Variants in DNAH1 observed in about 807,000 individuals in gnomAD.
DNAH1 encodes axonemal beta dynein heavy chain 1.
In DNAH1, 327 loss-of-function variants were observed where a neutral mutation model predicts 484.3. That is an observed-to-expected ratio of 0.68 (90% CI 0.62 to 0.74). DNAH1 has a LOEUF of 0.74. Among genes scored for constraint, DNAH1 ranks in the 30% least tolerant of loss-of-function variants. DNAH1 has a pLI of 0.00. For synonymous variants in DNAH1, 2,192 were observed against 2,191.9 expected (o/e 1.00, Z 0.00); for missense variants, 5,052 against 5,546.8 (o/e 0.91, Z 2.83).
chr3:52,355,138 T>A lies in DNAH1; in HGVS notation c.3693+83T>A, dbSNP rs1702558640. On this transcript the variant is annotated intron_variant, in intron 21 of 77. Coordinates refer to ENST00000420323, the MANE Select transcript of DNAH1 (RefSeq NM_015512.5). This position sits in a 1 kb window ranked among gnomAD's most constrained non-coding sequence, Gnocchi z 4.5. ...ACAGGTGTCACTGATGGTCTCCGGG[T>A]GGGGTTCAAAGCATCGCAGTGCCTT... 1 of 1,416,888 alleles carries A rather than the reference T, an allele frequency of 7.1e-7. No individual in the cohort carries two copies. The highest frequency in any genetic ancestry group is 1.4e-5 in the African/African-American group (1 of 71,052). The allele number at this position is 1,416,888 out of a possible 1,614,324, so 87.8% of individuals were successfully genotyped here. A position where few individuals can be genotyped will look rare whatever the true frequency, so the allele number is the denominator to read the frequency against.
Position 52,388,870 on chromosome 3 carries a change from T to C in DNAH1, c.9428T>C (p.Met3143Thr), listed in dbSNP as rs780885849. The C allele has an allele frequency of 2.5e-6, 4 of 1,613,792 alleles. No homozygotes were observed. Among genetic ancestry groups the C allele is most frequent in the Non-Finnish European group, 2.5e-6 (3 of 1,179,844 alleles). The change falls in exon 59 of 78, where the codon ATG becomes ACG. Residue 3143 changes from methionine to threonine, a missense_variant. Physicochemically the swap from Met to Thr is moderately conservative, Grantham distance 81. This residue lies in a region of DNAH1 where 2,929 missense variants were observed against 3,409.4 expected (regional missense o/e 0.86). Transcript: ENST00000420323. Reference protein sequence around the residue: ...WQETVENLQYMLNNISGDVLV... With the variant: ...WQETVENLQYTLNNISGDVLV... Reference sequence around the variant, plus strand: ...GAGACGGTGGAGAACCTGCAGTACATGCTCAACAACATCTCCGGCGATGTC... The same window carrying C: ...GAGACGGTGGAGAACCTGCAGTACACGCTCAACAACATCTCCGGCGATGTC...
At chr3:52,380,516 C>A (rs1703798245) in intron 48 of DNAH1, among the ~76,000 whole-genome samples, 1 of 152,328 alleles carries the variant, frequency 6.6e-6, no homozygotes, top group African/African-American at 2.4e-5. Flanking sequence ...CTGACAGTTT[C>A]TCTCCACACG....
chr3:52,399,342 G>A, intron 76 of DNAH1, 141 bp downstream of exon 76: 1 of 1,048,072 alleles, frequency 9.5e-7, no homozygotes, highest in Non-Finnish European at 1.4e-6. Flanking sequence ...GAGGCCATGA[G>A]TCCCAGGAAC....
chr3:52,386,301 G>A lies in DNAH1; in HGVS notation c.8767G>A (p.Ala2923Thr). 1 of 1,600,626 alleles carries A rather than the reference G, an allele frequency of 6.2e-7. No homozygotes were observed. The highest frequency in any genetic ancestry group is 1.7e-5 in the Admixed American group (1 of 57,872). ...CGAGGCGTTGCCAGCCCTGGATGCG[G>A]CTCTGGCCAGCCTGCGCAACCTCAA... ...LDEALPALDA[A>T]LASLRNLNKN... Residue 2923 changes from alanine (A) to threonine (T), a missense_variant, in exon 55 of 78, where the codon GCT (alanine) becomes ACT (threonine). Around this residue, in one of 4 missense-constraint regions of DNAH1, gnomAD observed 2,929 missense variants for 3,409.4 expected, o/e 0.86. Coordinates refer to ENST00000420323, the MANE Select transcript of DNAH1 (RefSeq NM_015512.5).
upstream of DNAH1, among the ~76,000 whole-genome samples, chr3:52,312,691 C>T (rs772773274): frequency 1.3e-5 from 2 of 151,946 alleles, no homozygotes; most frequent in African/African-American, 4.8e-5. Flanking sequence ...CTTGTTCTGT[C>T]GCCCAGGCTG....
chr3:52,346,086 ACTCTGT>A (rs1186410356), intron 10 of DNAH1, among the ~76,000 whole-genome samples: 2 of 151,396 alleles, frequency 1.3e-5, no homozygotes, highest in African/African-American at 2.4e-5. Flanking sequence ...TCTGCACTCA[ACTCTGT>A]CTCTGTCTGT....
At position 52,396,928 on chromosome 3, in the gene DNAH1, C is replaced by G. The variant is rs774152723; in HGVS notation, c.11671C>G (p.Arg3891Gly). Residue 3891 changes from arginine (R) to glycine (G), a missense_variant, in exon 73 of 78, where the codon CGG (arginine) becomes GGG (glycine). Physicochemically the swap from Arg to Gly is moderately radical, Grantham distance 125 (BLOSUM62 -2). Around this residue, in one of 4 missense-constraint regions of DNAH1, gnomAD observed 853 missense variants for 899.0 expected, o/e 0.95. Coordinates refer to ENST00000420323, the MANE Select transcript of DNAH1 (RefSeq NM_015512.5). ...YGGRVTDDWD[R>G]RCIMNILEDF... Reference sequence around the variant, plus strand: ...GGGCCGTGTCACTGATGACTGGGACCGGCGCTGCATCATGAACATCTTGGA... The same window carrying G: ...GGGCCGTGTCACTGATGACTGGGACGGGCGCTGCATCATGAACATCTTGGA... The G allele has an allele frequency of 3.1e-6, 5 of 1,613,496 alleles. No homozygotes were observed. The Admixed American group carries it at 6.7e-5, about 22-fold the overall frequency.
intron 66 of DNAH1, 112 bp downstream of exon 66, chr3:52,393,597 A>G (rs1704491752): frequency 1.4e-6 from 2 of 1,462,230 alleles, no homozygotes; most frequent in African/African-American, 1.4e-5. Flanking sequence ...GCGAGAGCAA[A>G]GTGGCAGAGG....
rs368368003 is a variant in DNAH1, at chr3:52,382,323, C to T, written c.7809C>T (p.Ala2603=). 104 of 1,613,814 alleles carry T rather than the reference C, an allele frequency of 6.4e-5. No individual in the cohort carries two copies. The highest frequency in any genetic ancestry group is 4.9e-4 in the Middle Eastern group (3 of 6,084). The part of the protein sequence containing the change: ...SSLTRLASHM[A]EYECFQIELS... ...CAACCCAAACTTCTGCCTCCAGGGCCGAGTACGAGTGCTTCCAGATTGAAC... is the reference window on the plus strand; with the variant it reads ...CAACCCAAACTTCTGCCTCCAGGGCTGAGTACGAGTGCTTCCAGATTGAAC... The change falls in exon 50 of 78, where the codon GCC becomes GCT. Residue 2603 remains alanine, a synonymous_variant. Coordinates refer to ENST00000420323, the MANE Select transcript of DNAH1 (RefSeq NM_015512.5).
At position 52,390,923 on chromosome 3, in the gene DNAH1, G is replaced by C; in HGVS notation, c.9622-12G>C. On this transcript the variant is annotated splice_polypyrimidine_tract_variant and intron_variant, in intron 60 of 77. Coordinates refer to ENST00000420323, the MANE Select transcript of DNAH1 (RefSeq NM_015512.5). Reference sequence around the variant, plus strand: ...AAAGCTCTGACCCAGTCCAGTGCCTGGCTCTCCACAGATCGCTGGCCTCCC... The same window carrying C: ...AAAGCTCTGACCCAGTCCAGTGCCTCGCTCTCCACAGATCGCTGGCCTCCC... The C allele has an allele frequency of 1.3e-6, 2 of 1,551,638 alleles. No individual in the cohort carries two copies. The highest frequency in any genetic ancestry group is 1.7e-6 in the Non-Finnish European group (2 of 1,146,892).
intron 8 of DNAH1, among the ~76,000 whole-genome samples, chr3:52,339,682 C>T (rs1407426035): frequency 6.6e-6 from 1 of 151,616 alleles, no homozygotes; most frequent in Non-Finnish European, 1.5e-5. Context: ...CGGTGTTCAC[C>T]TATTCATTTC....
chr3:52,370,626 G>A lies in DNAH1; in HGVS notation c.6408G>A (p.Glu2136=), dbSNP rs1444495484. 1.2e-6 allele frequency: 2 copies of A among 1,610,994 alleles called. No homozygotes were observed. Among genetic ancestry groups the A allele is most frequent in the Admixed American group, 1.7e-5 (1 of 59,472 alleles). ...SFSHWLRLKM[E]NEQLTLLFPE... Reference sequence around the variant, plus strand: ...GCCACTGGCTAAGGCTCAAGATGGAGAACGAACAGGTGAGAGCCGGCGGCC... The same window carrying A: ...GCCACTGGCTAAGGCTCAAGATGGAAAACGAACAGGTGAGAGCCGGCGGCC... Residue 2136 remains glutamate (E), a synonymous_variant, in exon 40 of 78, where the codon GAG becomes GAA. Coordinates refer to ENST00000420323, the MANE Select transcript of DNAH1 (RefSeq NM_015512.5).
Position 52,368,744 on chromosome 3 carries a change from A to C in DNAH1, c.5769A>C (p.Thr1923=). The stretch of plus-strand genomic sequence containing the variant: ...CCTCTCCTCCCTGGCGCTGCAGGAC[A>C]GACGGGATATTCTCCTCGTTCATCC... ...GEFDLLTHEW[T]DGIFSSFIRA... The change falls in exon 37 of 78, where the codon ACA becomes ACC. Residue 1923 remains threonine, a synonymous_variant. Transcript: ENST00000420323. This position sits in a 1 kb window ranked among gnomAD's most constrained non-coding sequence, Gnocchi z 4.4. The C allele has an allele frequency of 6.2e-7, 1 of 1,613,254 alleles. No individual in the cohort carries two copies. The highest frequency in any genetic ancestry group is 1.1e-5 in the South Asian group (1 of 91,058).
Position 52,388,831 on chromosome 3 carries a change from AGGTGCGCTGGCAGGAGAC to A in DNAH1, c.9394_9411del (p.Arg3132_Val3137del). 1.2e-6 allele frequency: 2 copies of A among 1,613,728 alleles called. No individual in the cohort carries two copies. Among genetic ancestry groups the A allele is most frequent in the South Asian group, 2.2e-5 (2 of 91,076 alleles). ...CTCATCAACGGGCTGTCGGATGAGA[AGGTGCGCTGGCAGGAGAC>A]GGTGGAGAACCTGCAGTACATGCTC... On this transcript the variant is annotated inframe_deletion, in exon 59 of 78. Transcript: ENST00000420323.
Position 52,364,639 on chromosome 3 carries a change from A to T in DNAH1, c.5246A>T (p.Asp1749Val), listed in dbSNP as rs1328335586. The part of the protein sequence containing the change: ...KLSSEQLSSQ[D>V]HYDFGMRAVK... Reference sequence around the variant, plus strand: ...ATGCCTCCTTCTGTATGGCGACAGGATCACTATGACTTCGGGATGAGAGCC... The same window carrying T: ...ATGCCTCCTTCTGTATGGCGACAGGTTCACTATGACTTCGGGATGAGAGCC... The change falls in exon 33 of 78, where the codon GAT becomes GTT. Residue 1749 changes from aspartate (D) to valine (V), a missense_variant and splice_region_variant. Transcript: ENST00000420323. The surrounding 1 kb of genome is among the most constrained non-coding windows in gnomAD (Gnocchi z 4.2). 1 of 1,613,944 alleles carries T rather than the reference A, an allele frequency of 6.2e-7. No individual in the cohort carries two copies. Among genetic ancestry groups the T allele is most frequent in the Non-Finnish European group, 8.5e-7 (1 of 1,179,878 alleles).
chr3:52,383,195 TCTACATGGGGG>T (rs1299511565), intron 50 of DNAH1, among the ~76,000 whole-genome samples, 180 bp from the exon 51 acceptor site: 5 of 152,186 alleles, frequency 3.3e-5, no homozygotes, highest in African/African-American at 1.2e-4. Flanking sequence ...TTTCAGAGCT[TCTACATGGGGG>T]CAAGTCCTAG....
intron 11 of DNAH1, among the ~76,000 whole-genome samples, chr3:52,347,544 G>A (rs914369086): frequency 6.6e-6 from 1 of 152,178 alleles, no homozygotes; most frequent in African/African-American, 2.4e-5. Flanking sequence ...AGAGAGTGGG[G>A]GCTACAATGC....
At chr3:52,318,374 T>C (rs1290590199) in intron 1 of DNAH1, among the ~76,000 whole-genome samples, 1 of 152,204 alleles carries the variant, frequency 6.6e-6, no homozygotes, top group Non-Finnish European at 1.5e-5. Context: ...AGCCTTGCAG[T>C]GAAGTCCTGT....
intron 66 of DNAH1, among the ~76,000 whole-genome samples, 178 bp downstream of exon 66, chr3:52,393,663 A>G (rs527872029): frequency 6.6e-6 from 1 of 152,310 alleles, no homozygotes; most frequent in African/African-American, 2.4e-5. Flanking sequence ...CATGCCTGCA[A>G]TCCCAGCACT....
Sources: gnomAD v4.1 joint callset for allele counts (sites outside exome capture counted in the v4.1 genomes callset) on GRCh38, gnomAD v4.1.1 for gene constraint, gnomAD v4.1.1 regional missense constraint, Gnocchi (gnomAD v3.1) non-coding constraint, MANE v1.5 for transcripts, NCBI Gene and HGNC (gene_info 2026-07-23, HGNC 2026-07-21) for gene names.